Variants in RGS7 observed in about 807,000 individuals in gnomAD.
RGS7 encodes regulator of G protein signaling 7, also known as regulator of G-protein signaling 7.
Under a neutral mutation model 81.1 loss-of-function variants are expected in RGS7, and 27 were observed. The observed-to-expected ratio is 0.33, with a 90% CI of 0.25 to 0.46. The LOEUF is 0.46. Ranked by LOEUF, RGS7 falls within the 20% of genes least tolerant of loss-of-function variation. RGS7 has a pLI of 1.00. For missense variants in RGS7, 396 were observed against 607.4 expected, an observed-to-expected ratio of 0.65 and a Z score of 3.66; for synonymous variants, 208 against 207.7, an observed-to-expected ratio of 1.00 and a Z score of -0.01.
At chr1:241,337,828 A>G (rs1019421988) in intron 2 of RGS7, among the ~76,000 whole-genome samples, 1 of 152,136 alleles carries the variant, frequency 6.6e-6, no homozygotes, top group Non-Finnish European at 1.5e-5. Flanking sequence ...TTCCCCTTCA[A>G]TTTGAAAGGT....
chr1:240,779,105 GTGTGT>G (rs1683509517), intron 18 of RGS7, among the ~76,000 whole-genome samples: 1 of 101,548 alleles, frequency 9.8e-6, no homozygotes, highest in Non-Finnish European at 2.0e-5. Flanking sequence ...TTCTTTGTGT[GTGTGT>G]GTGTGTGTGT....
At chr1:241,342,274 A>G (rs10802950) in intron 2 of RGS7, among the ~76,000 whole-genome samples, 98,546 of 151,980 alleles carry the variant, frequency 0.65, 34,620 homozygotes, top group Non-Finnish European at 0.79. Flanking sequence ...CTATAAAGGC[A>G]GGAATAGGAA....
intron 2 of RGS7, among the ~76,000 whole-genome samples, chr1:241,228,867 A>C (rs1478709170): frequency 6.6e-6 from 1 of 152,214 alleles, no homozygotes; most frequent in Non-Finnish European, 1.5e-5. Flanking sequence ...AAAAATATGA[A>C]TAAAACAATG....
At chr1:241,230,104 T>A (rs1438721634) in intron 2 of RGS7, among the ~76,000 whole-genome samples, 1 of 152,192 alleles carries the variant, frequency 6.6e-6, no homozygotes, top group Non-Finnish European at 1.5e-5. Flanking sequence ...CCTTCTAATA[T>A]AAATCTGACT....
chr1:241,027,100 G>A (rs149501932), intron 3 of RGS7, among the ~76,000 whole-genome samples: 1 of 151,838 alleles, frequency 6.6e-6, no homozygotes, highest in East Asian at 1.9e-4. Flanking sequence ...ATGCTCAGGA[G>A]GCTGAGGCAG....
At chr1:240,812,151 A>G in intron 13 of RGS7, 108 bp from the exon 14 acceptor site, 1 of 1,168,966 alleles carries the variant, frequency 8.6e-7, no homozygotes, top group Non-Finnish European at 1.3e-6. Context: ...TCCCATCTTT[A>G]CCTTTTCTTT....
chr1:241,236,987 C>T (rs1007736326), intron 2 of RGS7, among the ~76,000 whole-genome samples: 5 of 152,088 alleles, frequency 3.3e-5, no homozygotes, highest in African/African-American at 7.2e-5. Context: ...ATGAAGAGCA[C>T]GACAAGGGAA....
intron 6 of RGS7, among the ~76,000 whole-genome samples, chr1:240,883,008 T>C (rs1420749086): frequency 6.6e-6 from 1 of 152,210 alleles, no homozygotes; most frequent in African/African-American, 2.4e-5. Context: ...TTTTTGTCCT[T>C]GCAACAGTTT....
rs553940603 is a variant in RGS7 at position 241,023,619 on chromosome 1, T to G, written c.176-40490A>C. Among the ~76,000 whole-genome samples, 4 of 152,372 alleles carry G rather than the reference T, an allele frequency of 2.6e-5. No individual in the cohort carries two copies. The East Asian group carries it at 7.7e-4, about 29-fold the overall frequency. ...ACTCTAAAAACTCTACCATCCTTTA[T>G]TCCTTGAGCTCTGTCTTAATTCTGA... On this transcript the variant is annotated intron_variant, in intron 3 of 18. Coordinates refer to ENST00000440928, the MANE Select transcript of RGS7 (RefSeq NM_001364886.1).
chr1:241,057,688 T>C, intron 3 of RGS7, among the ~76,000 whole-genome samples: 1 of 151,874 alleles, frequency 6.6e-6, no homozygotes, highest in Non-Finnish European at 1.5e-5. Flanking sequence ...CCGAGGTGGG[T>C]GGATCCCTTG....
At position 241,287,002 on chromosome 1, in the gene RGS7, T is replaced by C. The variant is rs2078845411; in HGVS notation, c.78+68697A>G. Among the ~76,000 whole-genome samples the C allele has an allele frequency of 5.3e-5, 8 of 152,178 alleles. No homozygotes were observed. The South Asian group carries it at 1.7e-3, about 31-fold the overall frequency. On this transcript the variant is annotated intron_variant, in intron 2 of 18. Transcript: ENST00000440928. Reference sequence around the variant, plus strand: ...AATAATCGGTCCTTAAATCTCAAAGTACAACTAGCTGCAGTATTTAAAAAG... The same window carrying C: ...AATAATCGGTCCTTAAATCTCAAAGCACAACTAGCTGCAGTATTTAAAAAG...
chr1:241,315,764 C>A (rs60031152), intron 2 of RGS7, among the ~76,000 whole-genome samples: 5 of 152,176 alleles, frequency 3.3e-5, no homozygotes, highest in African/African-American at 1.2e-4. Flanking sequence ...TAGGCATCCT[C>A]GTCTTTTTTT....
At chr1:240,933,129 C>T (rs539529563) in intron 5 of RGS7, among the ~76,000 whole-genome samples, 3 of 143,842 alleles carry the variant, frequency 2.1e-5, no homozygotes, top group Admixed American at 2.1e-4. Context: ...TGATCTGCCC[C>T]CCTCGGCCCC....
intron 3 of RGS7, 36 bp from the exon 4 acceptor site, chr1:240,983,165 G>A (rs965513787): frequency 9.0e-6 from 11 of 1,225,626 alleles, no homozygotes; most frequent in Non-Finnish European, 1.2e-5. Context: ...AAACAGATGT[G>A]AACATTTTGT....
At chr1:241,289,232 C>A (rs2078972434) in intron 2 of RGS7, among the ~76,000 whole-genome samples, 1 of 152,228 alleles carries the variant, frequency 6.6e-6, no homozygotes. Flanking sequence ...CAGTGTCCAA[C>A]ACTCTCTCTT....
At chr1:241,019,768 T>C (rs2148690105) in intron 3 of RGS7, among the ~76,000 whole-genome samples, 1 of 152,332 alleles carries the variant, frequency 6.6e-6, no homozygotes, top group African/African-American at 2.4e-5. Context: ...TGATGGACAT[T>C]TGGGTCGGTT....
chr1:241,024,580 T>C (rs2059697235), intron 3 of RGS7, among the ~76,000 whole-genome samples: 1 of 152,182 alleles, frequency 6.6e-6, no homozygotes, highest in Non-Finnish European at 1.5e-5. Context: ...GTGAATTGAC[T>C]CTTTTAAAGA....
intron 2 of RGS7, among the ~76,000 whole-genome samples, chr1:241,322,724 C>G (rs751869928): frequency 2.5e-4 from 38 of 152,166 alleles, no homozygotes; most frequent in Admixed American, 2.0e-4. Context: ...TAAGTACCAA[C>G]ATGGTTACTA....
At chr1:241,321,610 C>G (rs1298600973) in intron 2 of RGS7, among the ~76,000 whole-genome samples, 4 of 152,114 alleles carry the variant, frequency 2.6e-5, no homozygotes, top group Non-Finnish European at 4.4e-5. Context: ...TTGTGCAGAA[C>G]AACATGAAGA....
Sources: gnomAD v4.1 joint callset for allele counts (sites outside exome capture counted in the v4.1 genomes callset) on GRCh38, gnomAD v4.1.1 for gene constraint, MANE v1.5 for transcripts, NCBI Gene and HGNC (gene_info 2026-07-23, HGNC 2026-07-21) for gene names.